The following PCCA variants were observed in gnomAD, a reference collection of about 807,000 sequenced individuals.
The protein encoded by PCCA is propionyl-CoA carboxylase subunit alpha, also known as propionyl-CoA carboxylase alpha chain, mitochondrial.
In PCCA, 74 loss-of-function variants were observed where a neutral mutation model predicts 101.3. That is an observed-to-expected ratio of 0.73 (90% CI 0.61 to 0.89). PCCA has a LOEUF of 0.89. PCCA is among the 40% of genes least tolerant of loss of function. PCCA has a pLI of 0.00. For missense variants in PCCA, 891 were observed against 907.0 expected (o/e 0.98, Z 0.23); for synonymous variants, 294 against 313.6 (o/e 0.94, Z 0.66).
intron 12 of PCCA, among the ~76,000 whole-genome samples, chr13:100,290,473 A>G (rs2065039994): frequency 6.6e-6 from 1 of 152,100 alleles, no homozygotes; most frequent in Non-Finnish European, 1.5e-5. Flanking sequence ...TGGCCTCCCA[A>G]AGTGCTGGGA....
At chr13:100,201,633 C>T (rs983896219) in intron 6 of PCCA, among the ~76,000 whole-genome samples, 10 of 151,770 alleles carry the variant, frequency 6.6e-5, no homozygotes, top group African/African-American at 2.4e-4. Context: ...CTGAGGTGGG[C>T]GGATCATCTG....
At chr13:100,287,286 C>T (rs2064751780) in intron 12 of PCCA, among the ~76,000 whole-genome samples, 1 of 151,736 alleles carries the variant, frequency 6.6e-6, no homozygotes, top group Non-Finnish European at 1.5e-5. Flanking sequence ...TTTCTCATTA[C>T]TTTTATTTTT....
intron 2 of PCCA, among the ~76,000 whole-genome samples, chr13:100,107,262 C>G (rs138916992): frequency 5.8e-4 from 89 of 152,162 alleles, no homozygotes; most frequent in Non-Finnish European, 2.6e-4. Flanking sequence ...AACAAGCTAA[C>G]TTGTTGTCTT....
In PCCA at chr13:100,445,862, G is replaced by T. The variant is rs1245340231; in HGVS notation, c.1846-3390G>T. ...CCCTGTCTTGGCCATCATGAATAGTGCTGCAAGAAACATGGGGATGCCAGT... is the reference window on the plus strand; with the variant it reads ...CCCTGTCTTGGCCATCATGAATAGTTCTGCAAGAAACATGGGGATGCCAGT... On this transcript the variant is annotated intron_variant, in intron 20 of 23. Coordinates refer to ENST00000376285, the MANE Select transcript of PCCA (RefSeq NM_000282.4). Among the ~76,000 whole-genome samples the T allele has an allele frequency of 2.6e-5, 4 of 152,112 alleles. No homozygotes were observed. In the East Asian group the frequency reaches 7.7e-4, roughly 29 times the overall value.
intron 4 of PCCA, among the ~76,000 whole-genome samples, chr13:100,122,043 T>G (rs530726739): frequency 2.0e-4 from 31 of 152,354 alleles, no homozygotes; most frequent in African/African-American, 7.5e-4. Context: ...CCTAGTTTAC[T>G]GAGGGATTTT....
intron 18 of PCCA, among the ~76,000 whole-genome samples, chr13:100,368,063 A>G (rs1188661852): frequency 2.6e-5 from 4 of 152,196 alleles, no homozygotes; most frequent in Non-Finnish European, 4.4e-5. Context: ...AGAATAATGT[A>G]GAGAGGTTCA....
intron 8 of PCCA, among the ~76,000 whole-genome samples, chr13:100,255,464 T>G (rs1488033356): frequency 2.6e-5 from 4 of 152,168 alleles, no homozygotes; most frequent in Non-Finnish European, 4.4e-5. Context: ...ACTGCAAATT[T>G]CCTAATCGTC....
chr13:100,411,695 A>T (rs1450764370), intron 19 of PCCA, among the ~76,000 whole-genome samples: 1 of 152,102 alleles, frequency 6.6e-6, no homozygotes. Flanking sequence ...TTTGGTAAGG[A>T]CCCACTTCCT....
rs1486710734 is a variant in PCCA, at chr13:100,089,218, C to A, written c.98C>A (p.Thr33Asn). The change falls in exon 1 of 24, where the codon ACC (threonine) becomes AAC (asparagine). Residue 33 changes from threonine (T) to asparagine (N), a missense_variant. Physicochemically the swap from Thr to Asn is moderately conservative, Grantham distance 65 (BLOSUM62 0). Transcript: ENST00000376285. ...CTGATGCTGAGCGCGGCGCTGCGGA[C>A]CCTGAAGGTGAGGAGCAACGGGGCC... The part of the protein sequence containing the change: ...QQLMLSAALR[T>N]LKHVLYYSRQ... The A allele has an allele frequency of 2.2e-5, 34 of 1,518,328 alleles. No homozygotes were observed. Among genetic ancestry groups the A allele is most frequent in the Non-Finnish European group, 2.9e-5 (33 of 1,134,474 alleles). The allele number at this position is 1,518,328 out of a possible 1,614,324, so 94.1% of individuals were successfully genotyped here.
chr13:100,257,717 A>G (rs1292530991), intron 9 of PCCA, 44 bp downstream of exon 9: 6 of 1,401,104 alleles, frequency 4.3e-6, no homozygotes, highest in Non-Finnish European at 5.1e-6. Flanking sequence ...AATTGCAGTT[A>G]CCAGAGTTTT....
intron 8 of PCCA, among the ~76,000 whole-genome samples, chr13:100,250,132 T>C (rs2061667994): frequency 6.6e-6 from 1 of 152,186 alleles, no homozygotes; most frequent in African/African-American, 2.4e-5. Flanking sequence ...GAGGGGACAT[T>C]CTTGTATTTT....
chr13:100,510,859 T>C (rs1459918667), intron 21 of PCCA, among the ~76,000 whole-genome samples: 1 of 152,234 alleles, frequency 6.6e-6, no homozygotes, highest in East Asian at 1.9e-4. Context: ...CGACTGCAGC[T>C]GTAGGAGGCT....
intron 17 of PCCA, among the ~76,000 whole-genome samples, chr13:100,336,205 T>G (rs1219777706): frequency 3.3e-5 from 5 of 152,156 alleles, no homozygotes; most frequent in Non-Finnish European, 7.3e-5. Flanking sequence ...AAGGTTGTGG[T>G]GAGCCGAGAT....
intron 4 of PCCA, among the ~76,000 whole-genome samples, chr13:100,131,157 G>GA (rs2050477158): frequency 6.6e-6 from 1 of 152,144 alleles, no homozygotes; most frequent in Non-Finnish European, 1.5e-5. Flanking sequence ...CTTAAGTAGG[G>GA]AAAGTTCTTG....
intron 19 of PCCA, among the ~76,000 whole-genome samples, chr13:100,410,268 G>A (rs2077958151): frequency 6.6e-6 from 1 of 151,882 alleles, no homozygotes; most frequent in Admixed American, 6.6e-5. Flanking sequence ...TTTTGAGACG[G>A]AGTCTCGCTC....
chr13:100,197,451 A>T (rs562879676), intron 6 of PCCA, among the ~76,000 whole-genome samples: 1 of 151,768 alleles, frequency 6.6e-6, no homozygotes, highest in East Asian at 1.9e-4. Context: ...TTTTAATTTA[A>T]TTTTATTTTT....
chr13:100,174,129 T>C (rs1008750177), intron 6 of PCCA, among the ~76,000 whole-genome samples: 1 of 152,184 alleles, frequency 6.6e-6, no homozygotes, highest in Non-Finnish European at 1.5e-5. Flanking sequence ...AAAAAACCTG[T>C]ATATGTGCCT....
At chr13:100,097,847 C>T (rs7326745) in intron 1 of PCCA, among the ~76,000 whole-genome samples, 6,581 of 152,006 alleles carry the variant, frequency 0.043, 423 homozygotes, top group African/African-American at 0.14. Flanking sequence ...ACCCCCCAGC[C>T]GCCCAGTCTC....
Position 100,451,739 on chromosome 13 carries a change from T to TC in PCCA, c.1899+2434_1899+2435insC, listed in dbSNP as rs1491418935. 5.5e-3 allele frequency among the ~76,000 whole-genome samples: 484 copies of TC among 87,212 alleles called. 7 individuals carry two copies. Among genetic ancestry groups the TC allele is most frequent in the African/African-American group, 0.02 (447 of 21,868 alleles). The allele number at this position is 87,212 out of a possible 152,430, so 57.2% of individuals were successfully genotyped here. ...TCCTCTCTCTCTCTCTCTCTCTCTC[T>TC]TCTCTCCTTCCTCTCCCTCTCTGTC... On this transcript the variant is annotated intron_variant, in intron 21 of 23. Transcript: ENST00000376285.
Sources: allele counts gnomAD v4.1 joint callset (sites outside exome capture counted in the v4.1 genomes callset), GRCh38; gene constraint gnomAD v4.1.1; transcripts MANE v1.5; gene names NCBI Gene and HGNC (gene_info 2026-07-23, HGNC 2026-07-21).